The following ATP8B1 variants were observed in gnomAD, a reference collection of about 807,000 sequenced individuals.
The protein encoded by ATP8B1 is ATPase phospholipid transporting 8B1.
In ATP8B1, 80 loss-of-function variants were observed where a neutral mutation model predicts 149.9. That is an observed-to-expected ratio of 0.53 (90% CI 0.45 to 0.64). The LOEUF (loss-of-function observed/expected upper bound fraction) is 0.64. Ranked by LOEUF, ATP8B1 falls within the 30% of genes least tolerant of loss-of-function variation. The probability of loss-of-function intolerance (pLI) is 0.00; values close to 1 mark genes in which losing one functional copy is unlikely to be tolerated. For missense variants in ATP8B1, 1,247 were observed against 1,552.6 expected (o/e 0.80, Z 3.31); for synonymous variants, 536 against 562.8 (o/e 0.95, Z 0.67).
chr18:57,717,775 G>C (rs895284755), intron 2 of ATP8B1, among the ~76,000 whole-genome samples: 10 of 150,280 alleles, frequency 6.7e-5, no homozygotes, highest in African/African-American at 2.4e-4. Flanking sequence ...TCACTCTGTT[G>C]CCCAGGCTGG....
At chr18:57,743,838 AC>A (rs1275532640) in intron 1 of ATP8B1, among the ~76,000 whole-genome samples, 2 of 152,122 alleles carry the variant, frequency 1.3e-5, no homozygotes, top group Non-Finnish European at 2.9e-5. Context: ...CACTCATCTG[AC>A]AGGGGGAAGG....
chr18:57,759,711 C>A (rs2080128459), intron 1 of ATP8B1, among the ~76,000 whole-genome samples: 1 of 151,448 alleles, frequency 6.6e-6, no homozygotes, highest in Non-Finnish European at 1.5e-5. Context: ...CTACTCTACT[C>A]GGGAGGCTGA....
Position 57,662,620 on chromosome 18 carries a change from G to A in ATP8B1, c.2286-5C>T. On this transcript the variant is annotated splice_polypyrimidine_tract_variant and splice_region_variant and intron_variant, in intron 20 of 27. Coordinates refer to ENST00000648908, the MANE Select transcript of ATP8B1 (RefSeq NM_001374385.1). ...ATCCTTGCATGAAGAAGAGAACTAG[G>A]GGAAACCAAATTTCAGTGTTTAAAG... 6.2e-7 allele frequency: 1 copy of A among 1,614,004 alleles called. No homozygotes were observed. Among genetic ancestry groups the A allele is most frequent in the South Asian group, 1.1e-5 (1 of 91,080 alleles).
At chr18:57,677,660 T>G (rs1473816168) in intron 15 of ATP8B1, among the ~76,000 whole-genome samples, 1 of 152,222 alleles carries the variant, frequency 6.6e-6, no homozygotes, top group Non-Finnish European at 1.5e-5. Flanking sequence ...TCTGTATTTG[T>G]TCACTCAGAA....
At position 57,756,305 on chromosome 18, in the gene ATP8B1, A is replaced by ATACACATATATATATATATATATG. The variant is rs1555653785; in HGVS notation, c.-25-24474_-25-24473insCATATATATATATATATATGTGTA. Among the ~76,000 whole-genome samples the ATACACATATATATATATATATATG allele has an allele frequency of 1.2e-4, 13 of 106,116 alleles. 1 individual carries two copies. Among genetic ancestry groups the ATACACATATATATATATATATATG allele is most frequent in the South Asian group, 2.8e-4 (1 of 3,552 alleles). The allele number at this position is 106,116 out of a possible 152,430, so 69.6% of individuals were successfully genotyped here. A position where few individuals can be genotyped will look rare whatever the true frequency, so the allele number is the denominator to read the frequency against. ...CATATATATGTGTGTGTGTATGTAT[A>ATACACATATATATATATATATATG]TATATATATATTTGAGACTGAGTTT... is the stretch of plus-strand genomic sequence containing the variant. On this transcript the variant is annotated intron_variant, in intron 1 of 27. Transcript: ENST00000648908.
At position 57,652,748 on chromosome 18, in the gene ATP8B1, T is replaced by C. The variant is rs139202277; in HGVS notation, c.3016-19A>G. On this transcript the variant is annotated intron_variant, in intron 24 of 27. Transcript: ENST00000648908. ...TCACATCCTTAAGGAGAAAACAAAA[T>C]GATGGTATTTTATTCATCAGGTCAA... 627 of 1,614,076 alleles carry C rather than the reference T, an allele frequency of 3.9e-4. 1 individual carries two copies. In the African/African-American group the frequency reaches 6.5e-3, roughly 17 times the overall value.
intron 27 of ATP8B1, 44 bp downstream of exon 27, chr18:57,650,323 T>C: frequency 6.2e-7 from 1 of 1,605,186 alleles, no homozygotes; most frequent in Non-Finnish European, 8.5e-7. Flanking sequence ...AACGCTTTGG[T>C]TTCTGTGAGG....
chr18:57,660,759 C>A (rs1403605436), intron 22 of ATP8B1, among the ~76,000 whole-genome samples: 2 of 152,114 alleles, frequency 1.3e-5, no homozygotes, highest in Non-Finnish European at 2.9e-5. Context: ...CCTTGTGATC[C>A]ACCTGCCTCG....
In ATP8B1 at chr18:57,777,283, A is replaced by G. The variant is rs546458361; in HGVS notation, c.-26+25715T>C. On this transcript the variant is annotated intron_variant, in intron 1 of 27. Transcript: ENST00000648908. The stretch of plus-strand genomic sequence containing the variant: ...GTGAGCCACAGTGCCTAGCCAGGCT[A>G]ATTTCTTATCTATTGAAAGCTGGAA... Among the ~76,000 whole-genome samples, 14 of 152,262 alleles carry G rather than the reference A, an allele frequency of 9.2e-5. No homozygotes were observed. In the East Asian group the frequency reaches 2.7e-3, roughly 29 times the overall value.
chr18:57,705,858 T>TTTATTATTA (rs888130782), intron 3 of ATP8B1, among the ~76,000 whole-genome samples: 1 of 151,776 alleles, frequency 6.6e-6, no homozygotes, highest in Non-Finnish European at 1.5e-5. Context: ...ACACTTAATA[T>TTTATTATTA]TTATTATTAT....
At chr18:57,745,857 C>T (rs575629905) in intron 1 of ATP8B1, among the ~76,000 whole-genome samples, 10 of 151,960 alleles carry the variant, frequency 6.6e-5, no homozygotes, top group African/African-American at 2.4e-4. Flanking sequence ...GACGAGGTTT[C>T]ACTACATTGC....
intron 22 of ATP8B1, among the ~76,000 whole-genome samples, chr18:57,657,509 C>A (rs568144836): frequency 2.5e-4 from 38 of 152,302 alleles, no homozygotes; most frequent in African/African-American, 8.2e-4. Flanking sequence ...AAATCCTGCC[C>A]TAGTTACAGA....
At chr18:57,772,015 T>C (rs1436730833) in intron 1 of ATP8B1, among the ~76,000 whole-genome samples, 1 of 152,324 alleles carries the variant, frequency 6.6e-6, no homozygotes, top group East Asian at 1.9e-4. Flanking sequence ...ACTGAACCTA[T>C]ACAATACTTA....
intron 12 of ATP8B1, among the ~76,000 whole-genome samples, chr18:57,690,516 T>G (rs1186741606): frequency 6.6e-6 from 1 of 152,266 alleles, no homozygotes; most frequent in African/African-American, 2.4e-5. Context: ...CAGTTTCTTT[T>G]ATAATACACA....
intron 15 of ATP8B1, among the ~76,000 whole-genome samples, chr18:57,676,038 T>C (rs1291659930): frequency 2.6e-5 from 4 of 152,192 alleles, no homozygotes; most frequent in Non-Finnish European, 5.9e-5. Flanking sequence ...AGATTCCTAT[T>C]AGGAAAATAC....
intron 1 of ATP8B1, among the ~76,000 whole-genome samples, chr18:57,733,461 C>G (rs977528292): frequency 2.3e-4 from 35 of 152,076 alleles, no homozygotes; most frequent in Admixed American, 2.0e-4. Context: ...AATCCCAGCA[C>G]TTTGGGAGGC....
At chr18:57,761,830 G>A (rs189954018) in intron 1 of ATP8B1, among the ~76,000 whole-genome samples, 2 of 150,100 alleles carry the variant, frequency 1.3e-5, no homozygotes, top group Admixed American at 6.7e-5. Flanking sequence ...CACACCTGTA[G>A]TCCAAGCTGC....
chr18:57,691,892 C>T lies in ATP8B1; in HGVS notation c.1135G>A (p.Asp379Asn), dbSNP rs370741889. The change falls in exon 12 of 28, where the codon GAT becomes AAT. Residue 379 changes from aspartate to asparagine, a missense_variant. Transcript: ENST00000648908. ...AGGAATCCACGGTAGGAGGGTGTAT[C>T]GTCTTCTCCATCATAGAGGTACCAA... The part of the protein sequence containing the change: ...SSWYLYDGED[D>N]TPSYRGFLIF... The T allele has an allele frequency of 3.7e-6, 6 of 1,614,144 alleles. No individual in the cohort carries two copies. The highest frequency in any genetic ancestry group is 1.7e-5 in the Admixed American group (1 of 60,024).
At chr18:57,762,648 G>A (rs1301814073) in intron 1 of ATP8B1, among the ~76,000 whole-genome samples, 2 of 152,186 alleles carry the variant, frequency 1.3e-5, no homozygotes, top group Admixed American at 6.5e-5. Context: ...CTTATATCCC[G>A]TGATCCTCAA....
Sources: allele counts gnomAD v4.1 joint callset (sites outside exome capture counted in the v4.1 genomes callset), GRCh38; gene constraint gnomAD v4.1.1; transcripts MANE v1.5; gene names NCBI Gene and HGNC (gene_info 2026-07-23, HGNC 2026-07-21).